Variants in ALG1 observed in about 807,000 individuals in gnomAD.
ALG1 encodes the protein chitobiosyldiphosphodolichol beta-mannosyltransferase.
ALG1 carries 58 observed loss-of-function variants against 55.1 expected under a neutral mutation model. That is an observed-to-expected ratio of 1.05 (90% confidence interval 0.85 to 1.31). The LOEUF (loss-of-function observed/expected upper bound fraction) is 1.31, where lower values mean the gene tolerates loss of function less well. Among genes scored for constraint, ALG1 ranks in the 50% most tolerant of loss-of-function variants. The pLI is 0.00. For missense variants in ALG1, 761 were observed against 598.6 expected (o/e 1.27, Z -2.83); for synonymous variants, 309 against 247.0 (o/e 1.25, Z -2.35).
Position 5,071,991 on chromosome 16 carries a change from C to G in ALG1, c.142C>G (p.Arg48Gly). Residue 48 changes from arginine (R) to glycine (G), a missense_variant, in exon 1 of 13, where the codon CGT (arginine) becomes GGT (glycine). Transcript: ENST00000262374. ...GCTGGGCGACGTGGGCCGCAGCCCC[C>G]GTATGCAGTACCACGCGCTGTCGTT... ...VVLGDVGRSP[R>G]MQYHALSLAM... is the part of the protein sequence containing the mutation. The G allele has an allele frequency of 6.3e-7, 1 of 1,597,156 alleles. No homozygotes were observed. The highest frequency in any genetic ancestry group is 8.5e-7 in the Non-Finnish European group (1 of 1,171,812).
intron 2 of ALG1, 44 bp from the exon 3 acceptor site, chr16:5,073,109 G>C: frequency 6.2e-7 from 1 of 1,612,546 alleles, no homozygotes; most frequent in Non-Finnish European, 8.5e-7. Context: ...CGTGCAGATT[G>C]CCAGACGCTC....
chr16:5,086,093 T>C lies in ALG1; in HGVS notation c.*1212T>C, dbSNP rs1205962494. 6.6e-6 allele frequency among the ~76,000 whole-genome samples: 1 copy of C among 152,170 alleles called. No homozygotes were observed. The highest frequency in any genetic ancestry group is 2.4e-5 in the African/African-American group (1 of 41,452). The stretch of plus-strand genomic sequence containing the variant: ...GCTCATGCCTGTAATCCCAACACTT[T>C]GGGAGGCCAAGGCGGGCGGATCACT... On this transcript the variant is annotated 3_prime_UTR_variant, in exon 13 of 13. Coordinates refer to ENST00000262374, the MANE Select transcript of ALG1 (RefSeq NM_019109.5).
intron 8 of ALG1, among the ~76,000 whole-genome samples, chr16:5,079,330 G>T (rs1468602404): frequency 6.6e-6 from 1 of 152,196 alleles, no homozygotes; most frequent in African/African-American, 2.4e-5. Context: ...ACAGGCTGGT[G>T]GCCTCCCCGC....
chr16:5,074,265 C>T (rs1031176954), intron 3 of ALG1, among the ~76,000 whole-genome samples: 2 of 152,110 alleles, frequency 1.3e-5, no homozygotes, highest in Non-Finnish European at 2.9e-5. Flanking sequence ...CCTGCCTCAG[C>T]CTCCTGAGTA....
chr16:5,074,888 GTTTGTTTGTTTGGTT>G (rs1474766692), intron 3 of ALG1, among the ~76,000 whole-genome samples: 1 of 152,088 alleles, frequency 6.6e-6, no homozygotes, highest in African/African-American at 2.4e-5. Context: ...GGTTGGTTCT[GTTTGTTTGTTTGGTT>G]TTTGTTTGTT....
In ALG1 at chr16:5,082,544, C is replaced by G. The variant is rs550558214; in HGVS notation, c.1073-15C>G. 1.9e-6 allele frequency: 3 copies of G among 1,611,532 alleles called. No individual in the cohort carries two copies. The highest frequency in any genetic ancestry group is 2.5e-6 in the Non-Finnish European group (3 of 1,179,462). On this transcript the variant is annotated splice_polypyrimidine_tract_variant and intron_variant, in intron 10 of 12. Transcript: ENST00000262374. ...GCAGAGACCAGTGCTCTGACCCACC[C>G]CTCTTGCCTAGCAGGGTCGGCGGAC...
chr16:5,083,184 C>G (rs1214968526), intron 11 of ALG1, among the ~76,000 whole-genome samples: 1 of 152,130 alleles, frequency 6.6e-6, no homozygotes, highest in African/African-American at 2.4e-5. Context: ...AGAGGAGATT[C>G]TAGAAGCAGT....
rs747498468 is a variant in ALG1 at position 5,084,911 on chromosome 16, C to T, written c.*30C>T. The T allele has an allele frequency of 4.4e-6, 7 of 1,596,248 alleles. No homozygotes were observed. In the South Asian group the frequency reaches 4.4e-5, roughly 10 times the overall value. ...TGGGCCAGAGGCTAAAACCCCAGGA[C>T]CCCTGCTGTCCTTCCCGCAGCTTCT... On this transcript the variant is annotated 3_prime_UTR_variant, in exon 13 of 13. Transcript: ENST00000262374.
intron 10 of ALG1, among the ~76,000 whole-genome samples, chr16:5,082,332 A>AT (rs1957029690): frequency 7.5e-6 from 1 of 133,424 alleles, no homozygotes; most frequent in Non-Finnish European, 1.7e-5. Context: ...CAACACAACA[A>AT]CAAAAAAACC....
intron 1 of ALG1, chr16:5,072,337 C>A: frequency 8.2e-7 from 1 of 1,226,944 alleles, no homozygotes; most frequent in Non-Finnish European, 1.1e-6. Context: ...AACTCCAGGG[C>A]TAGTGCTGGT....
At chr16:5,074,592 C>T (rs76500330) in intron 3 of ALG1, among the ~76,000 whole-genome samples, 1 of 152,328 alleles carries the variant, frequency 6.6e-6, no homozygotes, top group Non-Finnish European at 1.5e-5. Flanking sequence ...GCACAGCGAG[C>T]ATATGCCTTT....
intron 7 of ALG1, 26 bp from the exon 8 acceptor site, chr16:5,079,038 C>A: frequency 6.2e-7 from 1 of 1,604,112 alleles, no homozygotes; most frequent in South Asian, 1.1e-5. Flanking sequence ...GAAACAGGCC[C>A]CTGACATTCA....
At chr16:5,084,065 C>A (rs1468905727) in intron 12 of ALG1, among the ~76,000 whole-genome samples, 1 of 152,088 alleles carries the variant, frequency 6.6e-6, no homozygotes, top group South Asian at 2.1e-4. Flanking sequence ...CGTAGGTGGG[C>A]GGGCAAAGGG....
At chr16:5,073,380 G>A in intron 3 of ALG1, 124 bp downstream of exon 3, 1 of 821,908 alleles carries the variant, frequency 1.2e-6, no homozygotes, top group Non-Finnish European at 2.0e-6. Flanking sequence ...TTAAAGACAT[G>A]AGTAGGAGCC....
At chr16:5,075,134 G>A (rs972768770) in intron 3 of ALG1, among the ~76,000 whole-genome samples, 2 of 152,068 alleles carry the variant, frequency 1.3e-5, no homozygotes, top group Non-Finnish European at 2.9e-5. Context: ...GAACTCCTGG[G>A]CTCAAATGAT....
At chr16:5,073,127 A>T in intron 2 of ALG1, 26 bp from the exon 3 acceptor site, 5 of 1,613,140 alleles carry the variant, frequency 3.1e-6, no homozygotes, top group Non-Finnish European at 4.2e-6. Flanking sequence ...CTCCTTTGGT[A>T]GTCACAGGTG....
Position 5,078,744 on chromosome 16 carries a change from T to C in ALG1, c.741-13T>C, listed in dbSNP as rs368398266. The C allele has an allele frequency of 2.9e-5, 46 of 1,612,650 alleles. No individual in the cohort carries two copies. Among genetic ancestry groups the C allele is most frequent in the Non-Finnish European group, 3.6e-5 (43 of 1,179,794 alleles). On this transcript the variant is annotated splice_polypyrimidine_tract_variant and intron_variant, in intron 6 of 12. Transcript: ENST00000262374. ...TCTATGGCCTCTCACAGGCTTTTTT[T>C]CTGCTCCTTCAGCTCAGAACCTGAG...
In ALG1 at chr16:5,079,596, C is replaced by T. The variant is rs1481556057; in HGVS notation, c.902-152C>T. 6.7e-5 allele frequency: 60 copies of T among 895,040 alleles called. 1 individual carries two copies. The highest frequency in any genetic ancestry group is 7.3e-5 in the Non-Finnish European group (41 of 558,462). 55.4% of individuals were successfully genotyped at this position (895,040 alleles called of 1,614,324 possible). On this transcript the variant is annotated intron_variant, in intron 8 of 12. Coordinates refer to ENST00000262374, the MANE Select transcript of ALG1 (RefSeq NM_019109.5). Reference sequence around the variant, plus strand: ...CCCAGCTACTTGGGAGGCTGATGCACGAGAATTACTTGAACCCAGGAGGCA... The same window carrying T: ...CCCAGCTACTTGGGAGGCTGATGCATGAGAATTACTTGAACCCAGGAGGCA...
At chr16:5,084,574 A>C in intron 12 of ALG1, 176 bp from the exon 13 acceptor site, 1 of 1,005,900 alleles carries the variant, frequency 9.9e-7, no homozygotes, top group Admixed American at 2.1e-5. Context: ...AGAAACTGTG[A>C]TGTCAAGTTG....
Sources: gnomAD v4.1 joint callset for allele counts (sites outside exome capture counted in the v4.1 genomes callset) on GRCh38, gnomAD v4.1.1 for gene constraint, MANE v1.5 for transcripts, NCBI Gene and HGNC (gene_info 2026-07-23, HGNC 2026-07-21) for gene names.